Variants in OLA1 observed in about 807,000 individuals in gnomAD.
The protein encoded by OLA1 is Obg like ATPase 1, also known as obg-like ATPase 1.
In OLA1, 14 loss-of-function variants were observed where a neutral mutation model predicts 48.4. That is an observed-to-expected ratio of 0.29 (90% CI 0.19 to 0.45). OLA1 has a LOEUF of 0.45. OLA1 is among the 20% of genes least tolerant of loss of function. OLA1 has a pLI of 1.00. For missense variants in OLA1, 325 were observed against 467.1 expected (o/e 0.70, Z 2.80); for synonymous variants, 127 against 150.4 (o/e 0.84, Z 1.14).
At chr2:174,118,347 T>C (rs1011308157) in intron 7 of OLA1, among the ~76,000 whole-genome samples, 3 of 152,168 alleles carry the variant, frequency 2.0e-5, no homozygotes, top group Non-Finnish European at 4.4e-5. Context: ...CCTTAATCTC[T>C]AGTGCAGATT....
chr2:174,225,490 A>G (rs1254738758), intron 3 of OLA1, among the ~76,000 whole-genome samples: 1 of 152,132 alleles, frequency 6.6e-6, no homozygotes, highest in Non-Finnish European at 1.5e-5. Context: ...CGGAGGTTGC[A>G]GTGAGCTGAG....
chr2:174,123,384 C>T, intron 6 of OLA1, 107 bp from the exon 7 acceptor site: 1 of 616,358 alleles, frequency 1.6e-6, no homozygotes, highest in Non-Finnish European at 2.7e-6. Context: ...TAGGCATTTT[C>T]ATTTTTATAA....
intron 7 of OLA1, among the ~76,000 whole-genome samples, chr2:174,089,061 T>C (rs1376301478): frequency 6.6e-6 from 1 of 151,528 alleles, no homozygotes; most frequent in Non-Finnish European, 1.5e-5. Flanking sequence ...GCAGGAATCT[T>C]AGCTGGTCAT....
At chr2:174,125,285 GAAT>G (rs769792303) in intron 5 of OLA1, among the ~76,000 whole-genome samples, 6 of 152,274 alleles carry the variant, frequency 3.9e-5, no homozygotes, top group Non-Finnish European at 7.4e-5. Context: ...TGCAAATTCT[GAAT>G]GCCTGCTCTA....
intron 4 of OLA1, among the ~76,000 whole-genome samples, chr2:174,163,644 C>T (rs1477316623): frequency 1.4e-5 from 2 of 145,586 alleles, no homozygotes; most frequent in Admixed American, 6.9e-5. Context: ...GAGCTGAGAT[C>T]GCGCCATTGC....
intron 4 of OLA1, among the ~76,000 whole-genome samples, chr2:174,181,358 G>A (rs947164067): frequency 6.6e-6 from 1 of 152,176 alleles, no homozygotes; most frequent in Non-Finnish European, 1.5e-5. Context: ...AGTAGCTGGG[G>A]AGAGGAGGGA....
intron 4 of OLA1, among the ~76,000 whole-genome samples, chr2:174,154,969 T>G (rs577979408): frequency 6.6e-6 from 1 of 152,156 alleles, no homozygotes; most frequent in Non-Finnish European, 1.5e-5. Context: ...TCCTTCTTAC[T>G]TCTGCCTTTC....
At chr2:174,186,578 G>C (rs1462411462) in intron 4 of OLA1, among the ~76,000 whole-genome samples, 1 of 152,164 alleles carries the variant, frequency 6.6e-6, no homozygotes, top group Non-Finnish European at 1.5e-5. Context: ...TCCACAAAGG[G>C]TAGTAAAATG....
intron 2 of OLA1, among the ~76,000 whole-genome samples, chr2:174,237,938 A>G (rs12998188): frequency 0.14 from 21,208 of 152,226 alleles, 1,641 homozygotes; most frequent in East Asian, 0.23. Flanking sequence ...AATTACCACA[A>G]CTACAGTATC....
At chr2:174,142,381 G>A (rs1485750847) in intron 4 of OLA1, among the ~76,000 whole-genome samples, 2 of 152,126 alleles carry the variant, frequency 1.3e-5, no homozygotes. Context: ...TTTAGGGAGG[G>A]GGGGTCTGAA....
chr2:174,107,286 G>A (rs1685535979), intron 7 of OLA1, among the ~76,000 whole-genome samples: 1 of 152,140 alleles, frequency 6.6e-6, no homozygotes, highest in African/African-American at 2.4e-5. Context: ...AAGTATTTAA[G>A]AGAAATAATT....
chr2:174,228,640 T>G (rs2105455307), intron 3 of OLA1, among the ~76,000 whole-genome samples: 1 of 152,240 alleles, frequency 6.6e-6, no homozygotes, highest in South Asian at 2.1e-4. Context: ...GTAAAAAAAT[T>G]CAAACATAGA....
At chr2:174,144,676 G>A (rs554356819) in intron 4 of OLA1, among the ~76,000 whole-genome samples, 31 of 151,652 alleles carry the variant, frequency 2.0e-4, no homozygotes, top group African/African-American at 5.6e-4. Flanking sequence ...TTTGAGGCCC[G>A]GCATGGTGGC....
intron 5 of OLA1, 102 bp from the exon 6 acceptor site, chr2:174,123,777 T>C: frequency 2.0e-6 from 1 of 491,618 alleles, no homozygotes. Context: ...ATAGATTGTT[T>C]TAATGAAAGG....
chr2:174,226,433 C>T (rs1036285617), intron 3 of OLA1, among the ~76,000 whole-genome samples: 4 of 151,950 alleles, frequency 2.6e-5, no homozygotes, highest in Admixed American at 6.6e-5. Context: ...TATTTTTAAT[C>T]GCTATACTGT....
chr2:174,077,909 C>G (rs552983306), intron 10 of OLA1, among the ~76,000 whole-genome samples: 19 of 152,024 alleles, frequency 1.2e-4, no homozygotes, highest in Admixed American at 2.0e-4. Flanking sequence ...AAAGTTCAAT[C>G]TCAGTATTTT....
At chr2:174,090,438 G>A (rs1430926170) in intron 7 of OLA1, among the ~76,000 whole-genome samples, 1 of 152,230 alleles carries the variant, frequency 6.6e-6, no homozygotes, top group Non-Finnish European at 1.5e-5. Flanking sequence ...ATTCTAATTA[G>A]TTTGAGTTAA....
intron 3 of OLA1, among the ~76,000 whole-genome samples, chr2:174,226,968 T>C (rs1262177877): frequency 6.6e-6 from 1 of 151,986 alleles, no homozygotes; most frequent in Non-Finnish European, 1.5e-5. Flanking sequence ...CATGTGCCTG[T>C]AGTCCCAGCT....
chr2:174,095,875 T>C (rs1007185232), intron 7 of OLA1, among the ~76,000 whole-genome samples: 1 of 152,104 alleles, frequency 6.6e-6, no homozygotes, highest in East Asian at 1.9e-4. Flanking sequence ...ATAATTTGAA[T>C]AGACAGGTCT....
Sources: allele counts gnomAD v4.1 joint callset (sites outside exome capture counted in the v4.1 genomes callset), GRCh38; gene constraint gnomAD v4.1.1; transcripts MANE v1.5; gene names NCBI Gene and HGNC (gene_info 2026-07-23, HGNC 2026-07-21).